Variants in PRKN observed in about 807,000 individuals in gnomAD.
PRKN encodes the protein parkin RBR E3 ubiquitin protein ligase.
PRKN carries 56 observed loss-of-function variants against 59.5 expected under a neutral mutation model. The observed-to-expected ratio is 0.94, with a 90% CI of 0.76 to 1.18. The LOEUF (loss-of-function observed/expected upper bound fraction) is 1.18, where lower values mean the gene tolerates loss of function less well. PRKN is among the 50% of genes most tolerant of loss of function. The pLI, the probability that PRKN is intolerant of heterozygous loss-of-function variation, is 0.00. For synonymous variants in PRKN, 250 were observed against 222.1 expected, an observed-to-expected ratio of 1.13 and a Z score of -1.12; for missense variants, 657 against 596.4, an observed-to-expected ratio of 1.10 and a Z score of -1.06.
intron 6 of PRKN, among the ~76,000 whole-genome samples, chr6:161,903,195 C>A (rs1778002683): frequency 1.7e-5 from 2 of 118,568 alleles, no homozygotes; most frequent in Non-Finnish European, 3.4e-5. Context: ...CTGGAGGCGG[C>A]TGCACTGGCT....
intron 9 of PRKN, among the ~76,000 whole-genome samples, chr6:161,485,377 T>C (rs1159354531): frequency 6.6e-6 from 1 of 152,222 alleles, no homozygotes; most frequent in African/African-American, 2.4e-5. Context: ...CCTGTTTCCC[T>C]CTTCCTAATT....
At chr6:161,985,583 G>A (rs1781405506) in intron 5 of PRKN, among the ~76,000 whole-genome samples, 2 of 152,212 alleles carry the variant, frequency 1.3e-5, no homozygotes, top group Non-Finnish European at 2.9e-5. Flanking sequence ...TTTCTAGGGA[G>A]TCTCTAGAAG....
Position 161,560,681 on chromosome 6 carries a change from C to T in PRKN, c.933+8674G>A, listed in dbSNP as rs886527132. Among the ~76,000 whole-genome samples the T allele has an allele frequency of 6.6e-6, 1 of 152,212 alleles. No homozygotes were observed. The highest frequency in any genetic ancestry group is 2.4e-5 in the African/African-American group (1 of 41,462). ...TCTGTCATCCTGAGAAACTGTACCACCTCTGAAATCCCAATTCCAAATATG... is the reference window on the plus strand; with the variant it reads ...TCTGTCATCCTGAGAAACTGTACCATCTCTGAAATCCCAATTCCAAATATG... On this transcript the variant is annotated intron_variant, in intron 8 of 11. Transcript: ENST00000366898. This position sits in a 1 kb window ranked among gnomAD's most constrained non-coding sequence, Gnocchi z 4.9.
At chr6:162,386,010 C>A (rs1375635878) in intron 2 of PRKN, among the ~76,000 whole-genome samples, 1 of 152,062 alleles carries the variant, frequency 6.6e-6, no homozygotes, top group Non-Finnish European at 1.5e-5. Flanking sequence ...CTATAAATGA[C>A]TAACCCGCCA....
intron 4 of PRKN, among the ~76,000 whole-genome samples, chr6:162,093,667 T>C (rs1401271896): frequency 6.6e-6 from 1 of 152,154 alleles, no homozygotes; most frequent in Non-Finnish European, 1.5e-5. Context: ...CCCTAAACAT[T>C]TATGTGAAGT....
chr6:161,436,442 G>A (rs901841710), intron 9 of PRKN, among the ~76,000 whole-genome samples: 1 of 124,032 alleles, frequency 8.1e-6, no homozygotes, highest in South Asian at 3.5e-4. Flanking sequence ...GCCACTCTCT[G>A]CAAACTCAAG....
chr6:161,812,604 T>C (rs894761942), intron 6 of PRKN, among the ~76,000 whole-genome samples: 2 of 152,092 alleles, frequency 1.3e-5, no homozygotes, highest in African/African-American at 4.8e-5. Flanking sequence ...GTAAAGAAGA[T>C]AGCAGAATGT....
chr6:162,283,473 G>A (rs1781017462), intron 2 of PRKN, among the ~76,000 whole-genome samples: 1 of 152,152 alleles, frequency 6.6e-6, no homozygotes, highest in Non-Finnish European at 1.5e-5. Flanking sequence ...AGAGGATTAA[G>A]GAAATGGTAT....
intron 2 of PRKN, among the ~76,000 whole-genome samples, chr6:162,429,900 C>T (rs541551862): frequency 6.6e-6 from 1 of 152,282 alleles, no homozygotes; most frequent in Admixed American, 6.5e-5. Flanking sequence ...CATCCTCTTC[C>T]CGGTATCACC....
intron 2 of PRKN, among the ~76,000 whole-genome samples, chr6:162,322,067 C>G (rs1783046141): frequency 6.7e-6 from 1 of 150,256 alleles, no homozygotes; most frequent in Non-Finnish European, 1.5e-5. Flanking sequence ...TCTCAAATGA[C>G]TTGATTGCCT....
At chr6:162,654,849 G>C (rs889815991) in intron 1 of PRKN, among the ~76,000 whole-genome samples, 4 of 152,022 alleles carry the variant, frequency 2.6e-5, no homozygotes, top group African/African-American at 4.8e-5. Flanking sequence ...GTGAAGTGGG[G>C]GGGGAAATCC....
At chr6:161,949,970 TA>T (rs1779926374) in intron 6 of PRKN, among the ~76,000 whole-genome samples, 1 of 151,990 alleles carries the variant, frequency 6.6e-6, no homozygotes, top group African/African-American at 2.4e-5. Context: ...TGGGGCAAAG[TA>T]AAAGGAAGGT....
At chr6:161,688,509 A>T (rs904248917) in intron 7 of PRKN, among the ~76,000 whole-genome samples, 1 of 152,218 alleles carries the variant, frequency 6.6e-6, no homozygotes, top group Non-Finnish European at 1.5e-5. Flanking sequence ...CATAAATTTC[A>T]TTCCTTTATG....
chr6:162,639,073 G>A (rs1207070670), intron 1 of PRKN, among the ~76,000 whole-genome samples: 1 of 152,074 alleles, frequency 6.6e-6, no homozygotes, highest in Non-Finnish European at 1.5e-5. Context: ...GTCTTCCTGT[G>A]TCTTGCTACT....
At chr6:161,945,105 A>G (rs1188815060) in intron 6 of PRKN, among the ~76,000 whole-genome samples, 1 of 110,776 alleles carries the variant, frequency 9.0e-6, no homozygotes, top group African/African-American at 3.2e-5. Flanking sequence ...ACTGAATATA[A>G]CTTTTTTAAA....
At chr6:161,832,952 C>T (rs982076262) in intron 6 of PRKN, among the ~76,000 whole-genome samples, 1 of 151,970 alleles carries the variant, frequency 6.6e-6, no homozygotes, top group Non-Finnish European at 1.5e-5. Flanking sequence ...TAGTGAGTGT[C>T]CCCCCATCCC....
chr6:161,746,409 A>G (rs4709549), intron 7 of PRKN, among the ~76,000 whole-genome samples: 40,416 of 151,654 alleles, frequency 0.27, 5,798 homozygotes, highest in Admixed American at 0.35. Flanking sequence ...GGCTGGGTCT[A>G]AGTCCAGAAT....
rs1784676081 is a variant in PRKN, at chr6:161,354,410, T to A, written c.1286-4199A>T. 6.6e-6 allele frequency among the ~76,000 whole-genome samples: 1 copy of A among 152,166 alleles called. No individual in the cohort carries two copies. Among genetic ancestry groups the A allele is most frequent in the South Asian group, 2.1e-4 (1 of 4,822 alleles). ...TACGCCGGGCAGTCGACATCGTGGC[T>A]CCGGCCAGCAATTCTTCCACTAGAT... On this transcript the variant is annotated intron_variant, in intron 11 of 11. Coordinates refer to ENST00000366898, the MANE Select transcript of PRKN (RefSeq NM_004562.3). The surrounding 1 kb of genome is among the most constrained non-coding windows in gnomAD (Gnocchi z 6.7).
chr6:162,498,832 G>A (rs1583674524), intron 1 of PRKN, among the ~76,000 whole-genome samples: 1 of 151,864 alleles, frequency 6.6e-6, no homozygotes, highest in Non-Finnish European at 1.5e-5. Context: ...ATGAGAATTG[G>A]ACAGTAGCCG....
Sources: gnomAD v4.1 joint callset for allele counts (sites outside exome capture counted in the v4.1 genomes callset) on GRCh38, gnomAD v4.1.1 for gene constraint, Gnocchi (gnomAD v3.1) non-coding constraint, MANE v1.5 for transcripts, NCBI Gene and HGNC (gene_info 2026-07-23, HGNC 2026-07-21) for gene names.